Variants in ST3GAL3 observed in about 807,000 individuals in gnomAD.
ST3GAL3 encodes the protein ST3 beta-galactoside alpha-2,3-sialyltransferase 3, also known as CMP-N-acetylneuraminate-beta-1,4-galactoside alpha-2,3-sialyltransferase.
ST3GAL3 carries 21 observed loss-of-function variants against 50.1 expected under a neutral mutation model. That is an observed-to-expected ratio of 0.42 (90% CI 0.30 to 0.60). ST3GAL3 has a LOEUF of 0.60. Ranked by LOEUF, ST3GAL3 falls within the 20% of genes least tolerant of loss-of-function variation. The probability of loss-of-function intolerance (pLI) is 0.19; values close to 1 mark genes in which losing one functional copy is unlikely to be tolerated. For synonymous variants in ST3GAL3, 183 were observed against 190.0 expected (o/e 0.96, Z 0.30); for missense variants, 353 against 489.4 (o/e 0.72, Z 2.63).
chr1:43,764,493 G>A (rs1691797930), intron 2 of ST3GAL3, among the ~76,000 whole-genome samples: 1 of 152,168 alleles, frequency 6.6e-6, no homozygotes, highest in Non-Finnish European at 1.5e-5. Context: ...AGATTAGGGT[G>A]TGAAAAGCTT....
intron 1 of ST3GAL3, among the ~76,000 whole-genome samples, chr1:43,728,294 G>C (rs188368400): frequency 1.3e-5 from 2 of 151,922 alleles, no homozygotes; most frequent in Non-Finnish European, 2.9e-5. Context: ...AGCTGAAATC[G>C]CACCATTGCA....
At chr1:43,784,303 G>A (rs2056995471) in intron 2 of ST3GAL3, among the ~76,000 whole-genome samples, 1 of 152,126 alleles carries the variant, frequency 6.6e-6, no homozygotes. Flanking sequence ...GAGGTCAGGA[G>A]TTCGAGACCA....
chr1:43,907,528 C>T (rs2080009698), intron 9 of ST3GAL3, among the ~76,000 whole-genome samples: 2 of 152,180 alleles, frequency 1.3e-5, no homozygotes, highest in South Asian at 4.1e-4. Flanking sequence ...CATCCTATTC[C>T]AAAGAAATTG....
chr1:43,918,967 A>G (rs1271933073), intron 9 of ST3GAL3: 3 of 148,588 alleles, frequency 2.0e-5, no homozygotes, highest in African/African-American at 7.4e-5. Context: ...TCTTTTTGTT[A>G]TATCTGATGA....
chr1:43,747,180 C>T (rs948606777), intron 2 of ST3GAL3, among the ~76,000 whole-genome samples: 8 of 152,244 alleles, frequency 5.3e-5, no homozygotes, highest in Non-Finnish European at 1.0e-4. Flanking sequence ...GAGGCCAAGG[C>T]GGGCAGATCA....
rs1309223463 is a variant in ST3GAL3, at chr1:43,775,263, C to T, written c.119-16839C>T. ...TTTTTTTTTTTTCGAGACTGAGTCGCGCTCTTGTCACCCAGGCTGGAGTGG... is the reference window on the plus strand; with the variant it reads ...TTTTTTTTTTTTCGAGACTGAGTCGTGCTCTTGTCACCCAGGCTGGAGTGG... On this transcript the variant is annotated intron_variant, in intron 2 of 11. Coordinates refer to ENST00000347631, the MANE Select transcript of ST3GAL3 (RefSeq NM_006279.5). Among the ~76,000 whole-genome samples, 5 of 149,884 alleles carry T rather than the reference C, an allele frequency of 3.3e-5. No individual in the cohort carries two copies. The South Asian group carries it at 6.3e-4, about 19-fold the overall frequency.
chr1:43,846,851 G>A (rs1375755887), intron 5 of ST3GAL3, among the ~76,000 whole-genome samples: 1 of 152,172 alleles, frequency 6.6e-6, no homozygotes, highest in Non-Finnish European at 1.5e-5. Flanking sequence ...AAAAATGAGA[G>A]TGGAAGGCAA....
At chr1:43,734,882 C>T (rs1677710115) in intron 1 of ST3GAL3, among the ~76,000 whole-genome samples, 2 of 151,978 alleles carry the variant, frequency 1.3e-5, no homozygotes, top group Admixed American at 6.6e-5. Context: ...GAGGGCCTGA[C>T]CCAGGGCAGT....
chr1:43,867,542 A>G (rs1484750032), intron 5 of ST3GAL3, among the ~76,000 whole-genome samples: 1 of 152,228 alleles, frequency 6.6e-6, no homozygotes, highest in Non-Finnish European at 1.5e-5. Context: ...GGGAGTTATC[A>G]GCACATAGAT....
intron 2 of ST3GAL3, among the ~76,000 whole-genome samples, chr1:43,741,462 A>C (rs1680891528): frequency 6.6e-6 from 1 of 152,258 alleles, no homozygotes. Flanking sequence ...TTCAAATTAT[A>C]AAGTACACAT....
chr1:43,750,292 G>A (rs892346755), intron 2 of ST3GAL3, among the ~76,000 whole-genome samples: 2 of 152,178 alleles, frequency 1.3e-5, no homozygotes, highest in Non-Finnish European at 2.9e-5. Flanking sequence ...TTCAGCATAT[G>A]TTTAGTACAT....
intron 5 of ST3GAL3, among the ~76,000 whole-genome samples, chr1:43,849,425 T>C (rs2066872539): frequency 6.6e-6 from 1 of 152,168 alleles, no homozygotes; most frequent in African/African-American, 2.4e-5. Context: ...TTTTTAACTT[T>C]TTAAGAAATT....
chr1:43,917,491 T>TATA (rs1248897586), intron 9 of ST3GAL3, among the ~76,000 whole-genome samples: 47 of 40,802 alleles, frequency 1.2e-3, no homozygotes, highest in Non-Finnish European at 1.9e-3. Flanking sequence ...TAATATATAA[T>TATA]ATATATAATA....
chr1:43,886,296 G>A (rs1214213414), intron 5 of ST3GAL3, among the ~76,000 whole-genome samples: 3 of 152,156 alleles, frequency 2.0e-5, no homozygotes, highest in Admixed American at 6.5e-5. Flanking sequence ...CAGGAGAATC[G>A]CTTGAACCTG....
intron 2 of ST3GAL3, among the ~76,000 whole-genome samples, chr1:43,771,711 T>C (rs1489189835): frequency 6.7e-6 from 1 of 148,792 alleles, no homozygotes; most frequent in African/African-American, 2.5e-5. Context: ...AGAACTCAGA[T>C]TATAATGTTT....
intron 2 of ST3GAL3, among the ~76,000 whole-genome samples, chr1:43,753,838 G>T (rs1411076238): frequency 6.6e-6 from 1 of 152,152 alleles, no homozygotes; most frequent in Non-Finnish European, 1.5e-5. Flanking sequence ...GAGGGCTGCA[G>T]CTGGGTTGAA....
intron 5 of ST3GAL3, among the ~76,000 whole-genome samples, chr1:43,856,287 C>A (rs1233476466): frequency 6.6e-6 from 1 of 152,194 alleles, no homozygotes; most frequent in East Asian, 1.9e-4. Flanking sequence ...TGATAATGCA[C>A]TTTTATGGAG....
chr1:43,810,903 A>G (rs1484312084), intron 3 of ST3GAL3, among the ~76,000 whole-genome samples: 1 of 150,906 alleles, frequency 6.6e-6, no homozygotes, highest in Non-Finnish European at 1.5e-5. Context: ...CCTCTATTCC[A>G]GTCACTTTCG....
chr1:43,715,435 G>A (rs1046999849), intron 1 of ST3GAL3, among the ~76,000 whole-genome samples: 2 of 152,058 alleles, frequency 1.3e-5, no homozygotes, highest in African/African-American at 2.4e-5. Flanking sequence ...AATTAGCCAG[G>A]TGTGGTAGCA....
Sources: gnomAD v4.1 joint callset for allele counts (sites outside exome capture counted in the v4.1 genomes callset) on GRCh38, gnomAD v4.1.1 for gene constraint, MANE v1.5 for transcripts, NCBI Gene and HGNC (gene_info 2026-07-23, HGNC 2026-07-21) for gene names.